The following AFAP1L1 variants were observed in gnomAD, a reference collection of about 807,000 sequenced individuals.
AFAP1L1 encodes actin filament-associated protein 1-like 1.
AFAP1L1 carries 77 observed loss-of-function variants against 99.8 expected under a neutral mutation model. The ratio of observed to expected loss-of-function variants is 0.77; its 90% CI spans 0.64 to 0.93. AFAP1L1 has a LOEUF of 0.93. Ranked by LOEUF, AFAP1L1 falls within the 40% of genes least tolerant of loss-of-function variation. The pLI is 0.00. For synonymous variants in AFAP1L1, 373 were observed against 395.3 expected (o/e 0.94, Z 0.67); for missense variants, 893 against 996.8 (o/e 0.90, Z 1.40).
rs188268543 is a variant in AFAP1L1 at position 149,294,617 on chromosome 5, G to T, written c.17-4892G>T. 1.6e-4 allele frequency among the ~76,000 whole-genome samples: 25 copies of T among 152,150 alleles called. No homozygotes were observed. In the East Asian group the frequency reaches 4.8e-3, roughly 29 times the overall value. On this transcript the variant is annotated intron_variant, in intron 1 of 18. Transcript: ENST00000296721. ...TTTCAGTGGTCTATTTTTTTTCTAT[G>T]AGATCTTCACAGCTGAAGTTCTGAA... is the stretch of plus-strand genomic sequence containing the variant.
chr5:149,336,610 G>A (rs980993515), intron 18 of AFAP1L1, among the ~76,000 whole-genome samples: 1 of 152,246 alleles, frequency 6.6e-6, no homozygotes, highest in Non-Finnish European at 1.5e-5. Context: ...TCTGGAGGCG[G>A]CCCAGGGCAT....
chr5:149,292,292 C>G (rs1203442387), intron 1 of AFAP1L1, among the ~76,000 whole-genome samples: 1 of 152,224 alleles, frequency 6.6e-6, no homozygotes, highest in African/African-American at 2.4e-5. Context: ...CTTCTGAGCG[C>G]TAGTGTCCTT....
At chr5:149,309,053 G>A (rs1008745086) in intron 7 of AFAP1L1, among the ~76,000 whole-genome samples, 6 of 152,118 alleles carry the variant, frequency 3.9e-5, no homozygotes, top group African/African-American at 1.4e-4. Flanking sequence ...TGAAGCTGCA[G>A]TGAGCTATGA....
chr5:149,279,012 G>A (rs945875175), intron 1 of AFAP1L1, among the ~76,000 whole-genome samples: 38 of 152,120 alleles, frequency 2.5e-4, no homozygotes, highest in Admixed American at 6.5e-5. Flanking sequence ...GGTCAACTCC[G>A]CCTTTGGGTG....
intron 1 of AFAP1L1, among the ~76,000 whole-genome samples, chr5:149,287,367 G>T (rs1265855220): frequency 2.0e-5 from 3 of 152,124 alleles, no homozygotes; most frequent in Non-Finnish European, 4.4e-5. Context: ...GGCAGGGTAG[G>T]CAGGAGGGCG....
chr5:149,328,121 C>G (rs1757146239), intron 15 of AFAP1L1, among the ~76,000 whole-genome samples: 1 of 152,134 alleles, frequency 6.6e-6, no homozygotes. Flanking sequence ...CAATGAAAGC[C>G]AGAAGGCCCT....
At chr5:149,289,374 TG>T (rs1755782204) in intron 1 of AFAP1L1, among the ~76,000 whole-genome samples, 1 of 151,674 alleles carries the variant, frequency 6.6e-6, no homozygotes, top group Non-Finnish European at 1.5e-5. Flanking sequence ...GTGACCTCAC[TG>T]CCTCTGCCGT....
chr5:149,334,119 T>A (rs1440221134), intron 17 of AFAP1L1, among the ~76,000 whole-genome samples: 1 of 152,216 alleles, frequency 6.6e-6, no homozygotes, highest in Non-Finnish European at 1.5e-5. Context: ...CTCAAAGAGA[T>A]GAAATAACTT....
intron 15 of AFAP1L1, among the ~76,000 whole-genome samples, 172 bp downstream of exon 15, chr5:149,322,889 G>C (rs553368317): frequency 2.9e-4 from 44 of 152,294 alleles, no homozygotes; most frequent in African/African-American, 9.4e-4. Context: ...ATAAAGGGCA[G>C]CTAGCATGTG....
chr5:149,272,078 G>T, intron 1 of AFAP1L1, 94 bp downstream of exon 1: 1 of 1,162,920 alleles, frequency 8.6e-7, no homozygotes. Context: ...GGAGAGAGGC[G>T]GGCGGTGGGG....
At chr5:149,319,306 T>G (rs1454288025) in intron 12 of AFAP1L1, among the ~76,000 whole-genome samples, 1 of 152,108 alleles carries the variant, frequency 6.6e-6, no homozygotes, top group Non-Finnish European at 1.5e-5. Context: ...GGGAAGGCTC[T>G]GAGAATGGAA....
intron 8 of AFAP1L1, among the ~76,000 whole-genome samples, chr5:149,311,683 T>C (rs1756634785): frequency 6.6e-6 from 1 of 152,154 alleles, no homozygotes; most frequent in African/African-American, 2.4e-5. Context: ...GCTGTAAAGG[T>C]GCACATGGTC....
chr5:149,330,314 C>G (rs1371333636), intron 16 of AFAP1L1, among the ~76,000 whole-genome samples: 2 of 152,226 alleles, frequency 1.3e-5, no homozygotes, highest in Non-Finnish European at 2.9e-5. Context: ...TCTCCACACC[C>G]TATTTTCTGC....
chr5:149,304,479 G>C (rs1180318435), intron 5 of AFAP1L1, among the ~76,000 whole-genome samples: 1 of 152,194 alleles, frequency 6.6e-6, no homozygotes, highest in African/African-American at 2.4e-5. Flanking sequence ...TGGCTATATG[G>C]GGTTCCTTCA....
chr5:149,287,430 A>G (rs922696382), intron 1 of AFAP1L1, among the ~76,000 whole-genome samples: 4 of 152,108 alleles, frequency 2.6e-5, no homozygotes, highest in Non-Finnish European at 5.9e-5. Context: ...TTTGCTTTGA[A>G]TGGTAAGTTT....
At chr5:149,306,468 G>A in intron 6 of AFAP1L1, 64 bp downstream of exon 6, 1 of 1,453,882 alleles carries the variant, frequency 6.9e-7, no homozygotes, top group South Asian at 1.3e-5. Context: ...AGCAGGCCTT[G>A]TCCTGGCCCT....
rs367706194 is a variant in AFAP1L1 at position 149,335,859 on chromosome 5, C to T, written c.2283+137C>T. 9.2e-4 allele frequency: 1,098 copies of T among 1,194,242 alleles called. 1 individual carries two copies. The highest frequency in any genetic ancestry group is 1.2e-3 in the Non-Finnish European group (1,001 of 859,608). 74.0% of individuals were successfully genotyped at this position (1,194,242 alleles called of 1,614,324 possible). A position where few individuals can be genotyped will look rare whatever the true frequency, so the allele number is the denominator to read the frequency against. ...GCATTTATACAATGAAACTCATGAA[C>T]CTTCCTCAGAAGGGGTAATCCTCAG... is the stretch of plus-strand genomic sequence containing the variant. On this transcript the variant is annotated intron_variant, in intron 18 of 18. Coordinates refer to ENST00000296721, the MANE Select transcript of AFAP1L1 (RefSeq NM_152406.4).
chr5:149,335,501 T>TAAA, intron 17 of AFAP1L1, 93 bp from the exon 18 acceptor site: 2 of 1,445,282 alleles, frequency 1.4e-6, no homozygotes, highest in Non-Finnish European at 1.9e-6. Context: ...AAAATAAAAA[T>TAAA]AATAAAGTGT....
intron 11 of AFAP1L1, among the ~76,000 whole-genome samples, chr5:149,317,375 G>A (rs1042237578): frequency 2.6e-5 from 4 of 152,162 alleles, no homozygotes; most frequent in Non-Finnish European, 4.4e-5. Context: ...TGCTGCCACT[G>A]GGTGTCAGCA....
Sources: allele counts gnomAD v4.1 joint callset (sites outside exome capture counted in the v4.1 genomes callset), GRCh38; gene constraint gnomAD v4.1.1; transcripts MANE v1.5; gene names NCBI Gene and HGNC (gene_info 2026-07-23, HGNC 2026-07-21).